Variants in TNFRSF19 observed in about 807,000 individuals in gnomAD.
TNFRSF19 encodes the protein TNF receptor superfamily member 19.
TNFRSF19 carries 27 observed loss-of-function variants against 46.4 expected under a neutral mutation model. The ratio of observed to expected loss-of-function variants is 0.58; its 90% CI spans 0.43 to 0.80. The LOEUF (loss-of-function observed/expected upper bound fraction) is 0.80, where lower values mean the gene tolerates loss of function less well. Among genes scored for constraint, TNFRSF19 ranks in the 30% least tolerant of loss-of-function variants. The pLI is 0.00. For missense variants in TNFRSF19, 511 were observed against 530.8 expected (o/e 0.96, Z 0.37); for synonymous variants, 204 against 205.0 (o/e 1.00, Z 0.04).
intron 4 of TNFRSF19, among the ~76,000 whole-genome samples, chr13:23,618,569 G>A (rs1170492481): frequency 6.6e-6 from 1 of 152,194 alleles, no homozygotes; most frequent in Non-Finnish European, 1.5e-5. Flanking sequence ...TGGTGGGAAC[G>A]GCAAAGGGTA....
intron 5 of TNFRSF19, among the ~76,000 whole-genome samples, chr13:23,649,695 A>G (rs569921569): frequency 9.2e-5 from 14 of 152,020 alleles, no homozygotes; most frequent in African/African-American, 3.4e-4. Context: ...ATTGATACAG[A>G]TTTCCCTCTG....
At chr13:23,571,118 C>T (rs1877608809) in intron 1 of TNFRSF19, among the ~76,000 whole-genome samples, 1 of 152,148 alleles carries the variant, frequency 6.6e-6, no homozygotes, top group Non-Finnish European at 1.5e-5. Context: ...CAGGACAAAA[C>T]AGAACAGCGC....
At chr13:23,578,173 A>G (rs1311504694) in intron 1 of TNFRSF19, among the ~76,000 whole-genome samples, 1 of 152,136 alleles carries the variant, frequency 6.6e-6, no homozygotes, top group Non-Finnish European at 1.5e-5. Flanking sequence ...GTGGGAATGA[A>G]TATGGTAGTG....
In TNFRSF19 at chr13:23,660,397, G is replaced by A. The variant is rs377622468; in HGVS notation, c.643G>A (p.Gly215Ser). Residue 215 changes from glycine to serine, a missense_variant, in exon 7 of 10, where the codon GGC becomes AGC. Around this residue, in one of 3 missense-constraint regions of TNFRSF19, gnomAD observed 376 missense variants for 372.7 expected, o/e 1.01. Transcript: ENST00000248484. ...GCGGTCACAGGACATTCAGTACAAC[G>A]GCTCTGAGCTGTCGTGTTTTGACAG... is the stretch of plus-strand genomic sequence containing the variant. ...SLRSQDIQYNGSELSCFDRPQ... is the reference protein window; with the variant it reads ...SLRSQDIQYNSSELSCFDRPQ... The A allele has an allele frequency of 5.6e-6, 9 of 1,613,748 alleles. No homozygotes were observed. Among genetic ancestry groups the A allele is most frequent in the Non-Finnish European group, 6.8e-6 (8 of 1,179,984 alleles).
intron 5 of TNFRSF19, among the ~76,000 whole-genome samples, chr13:23,637,450 C>T (rs1421212196): frequency 6.6e-6 from 1 of 152,246 alleles, no homozygotes; most frequent in African/African-American, 2.4e-5. Context: ...AATCGACTTC[C>T]TGTTCCAAGT....
At chr13:23,616,102 G>T in intron 4 of TNFRSF19, 57 bp downstream of exon 4, 1 of 1,521,662 alleles carries the variant, frequency 6.6e-7, no homozygotes. Context: ...TTTTAAAAAG[G>T]CAATTCCCTT....
At position 23,660,488 on chromosome 13, in the gene TNFRSF19, G is replaced by A. The variant is rs1191012545; in HGVS notation, c.734G>A (p.Cys245Tyr). Residue 245 changes from cysteine to tyrosine, a missense_variant and splice_region_variant, in exon 7 of 10, where the codon TGC (cysteine) becomes TAC (tyrosine). Physicochemically the swap from Cys to Tyr is radical, Grantham distance 194 (BLOSUM62 -2). Transcript: ENST00000248484. ...CQCRRDSVQT[C>Y]GPVRLLPSMC... The stretch of plus-strand genomic sequence containing the variant: ...TGCCGCCGTGACTCAGTGCAGACCT[G>A]CGGTAAGTTCAGCAGGGAAGTGCCG... 1 of 1,612,288 alleles carries A rather than the reference G, an allele frequency of 6.2e-7. No individual in the cohort carries two copies. Among genetic ancestry groups the A allele is most frequent in the Admixed American group, 1.7e-5 (1 of 59,906 alleles).
Position 23,660,457 on chromosome 13 carries a change from T to G in TNFRSF19, c.703T>G (p.Cys235Gly). 1.9e-6 allele frequency: 3 copies of G among 1,613,610 alleles called. No individual in the cohort carries two copies. The highest frequency in any genetic ancestry group is 2.5e-6 in the Non-Finnish European group (3 of 1,179,994). ...CCACGAATATGCCCACAGAGCCTGC[T>G]GCCAGTGCCGCCGTGACTCAGTGCA... Reference protein sequence around the residue: ...QLHEYAHRACCQCRRDSVQTC... With the variant: ...QLHEYAHRACGQCRRDSVQTC... Residue 235 changes from cysteine to glycine, a missense_variant, in exon 7 of 10, where the codon TGC (cysteine) becomes GGC (glycine). Physicochemically the swap from Cys to Gly is radical, Grantham distance 159 (BLOSUM62 -3). Transcript: ENST00000248484.
At chr13:23,619,729 G>T (rs1881531987) in intron 4 of TNFRSF19, among the ~76,000 whole-genome samples, 1 of 152,224 alleles carries the variant, frequency 6.6e-6, no homozygotes, top group African/African-American at 2.4e-5. Flanking sequence ...GTCTGTGCGT[G>T]TCTACTCTCT....
chr13:23,669,763 G>A, intron 9 of TNFRSF19: 1 of 960,540 alleles, frequency 1.0e-6, no homozygotes, highest in South Asian at 4.8e-5. Flanking sequence ...AGGATTCAGG[G>A]ATAACTGGGC....
chr13:23,593,487 T>C, intron 3 of TNFRSF19, 32 bp downstream of exon 3: 1 of 1,431,090 alleles, frequency 7.0e-7, no homozygotes, highest in Admixed American at 1.9e-5. Context: ...GTTGTGTATC[T>C]GTGTTTGTAA....
At chr13:23,643,485 CTG>C (rs762710946) in intron 5 of TNFRSF19, among the ~76,000 whole-genome samples, 8 of 152,186 alleles carry the variant, frequency 5.3e-5, no homozygotes, top group Non-Finnish European at 1.2e-4. Context: ...CTAAAGGAAA[CTG>C]TTTTTTAAGT....
At chr13:23,598,787 A>T (rs1036618951) in intron 3 of TNFRSF19, among the ~76,000 whole-genome samples, 2 of 152,218 alleles carry the variant, frequency 1.3e-5, no homozygotes, top group African/African-American at 4.8e-5. Flanking sequence ...TCTTTTGAAG[A>T]TGTTACTAGT....
At chr13:23,602,393 G>A (rs1593246915) in intron 3 of TNFRSF19, among the ~76,000 whole-genome samples, 1 of 152,162 alleles carries the variant, frequency 6.6e-6, no homozygotes, top group African/African-American at 2.4e-5. Context: ...GAACTACAAG[G>A]AGATATAGAT....
intron 3 of TNFRSF19, among the ~76,000 whole-genome samples, chr13:23,613,774 C>T (rs910661442): frequency 1.3e-5 from 2 of 152,196 alleles, no homozygotes; most frequent in East Asian, 1.9e-4. Context: ...CTTCAGAAAG[C>T]CTGTGCCTGC....
At chr13:23,619,661 A>G (rs562386886) in intron 4 of TNFRSF19, among the ~76,000 whole-genome samples, 1 of 152,336 alleles carries the variant, frequency 6.6e-6, no homozygotes, top group South Asian at 2.1e-4. Flanking sequence ...TGAGGACATG[A>G]ACGGAACATC....
intron 3 of TNFRSF19, among the ~76,000 whole-genome samples, chr13:23,603,120 A>C (rs1880277723): frequency 6.6e-6 from 1 of 151,992 alleles, no homozygotes; most frequent in African/African-American, 2.4e-5. Context: ...CTTAGAAAAT[A>C]AGGGAGAGGA....
intron 1 of TNFRSF19, among the ~76,000 whole-genome samples, chr13:23,578,853 TC>T (rs1464609382): frequency 6.6e-6 from 1 of 152,164 alleles, no homozygotes; most frequent in Admixed American, 6.5e-5. Flanking sequence ...GGCGAGTGCT[TC>T]CCGGCCTGCA....
intron 3 of TNFRSF19, among the ~76,000 whole-genome samples, chr13:23,593,944 A>G (rs1441369474): frequency 2.0e-5 from 3 of 152,130 alleles, no homozygotes; most frequent in Non-Finnish European, 4.4e-5. Flanking sequence ...GGTGCAGCCC[A>G]TGGAGGGTGA....
Sources: gnomAD v4.1 joint callset for allele counts (sites outside exome capture counted in the v4.1 genomes callset) on GRCh38, gnomAD v4.1.1 for gene constraint, gnomAD v4.1.1 regional missense constraint, MANE v1.5 for transcripts, NCBI Gene and HGNC (gene_info 2026-07-23, HGNC 2026-07-21) for gene names.